Variants in PCDHGA4 observed in about 807,000 individuals in gnomAD.
PCDHGA4 encodes protocadherin gamma-A4.
PCDHGA4 carries 38 observed loss-of-function variants against 54.6 expected under a neutral mutation model. The ratio of observed to expected loss-of-function variants is 0.70; its 90% confidence interval spans 0.54 to 0.91. The LOEUF is 0.91. Ranked by LOEUF, PCDHGA4 falls within the 40% of genes least tolerant of loss-of-function variation. The probability of loss-of-function intolerance (pLI) is 0.00; values close to 1 mark genes in which losing one functional copy is unlikely to be tolerated. For missense variants in PCDHGA4, 1,298 were observed against 1,220.9 expected, an observed-to-expected ratio of 1.06 and a Z score of -0.94; for synonymous variants, 511 against 512.9, an observed-to-expected ratio of 1.00 and a Z score of 0.05.
chr5:141,421,383 C>A lies in PCDHGA4; in HGVS notation c.2514+63762C>A, dbSNP rs754951142. The A allele has an allele frequency of 2.5e-6, 4 of 1,614,034 alleles. 1 individual carries two copies. The highest frequency in any genetic ancestry group is 8.5e-7 in the Non-Finnish European group (1 of 1,179,910). On this transcript the variant is annotated intron_variant, in intron 1 of 3. Transcript: ENST00000571252. ...CCTTCGTGGGCAATATCTCCAAGGA[C>A]CTGGGGCTGGAGCCCCGGGAGCTGG...
intron 1 of PCDHGA4, among the ~76,000 whole-genome samples, chr5:141,463,087 C>T (rs971667191): frequency 6.6e-6 from 1 of 152,120 alleles, no homozygotes; most frequent in Non-Finnish European, 1.5e-5. Context: ...CATTTTCCAG[C>T]CCTATGTGAC....
chr5:141,358,683 C>T (rs1760990100), intron 1 of PCDHGA4, among the ~76,000 whole-genome samples: 1 of 152,122 alleles, frequency 6.6e-6, no homozygotes, highest in Non-Finnish European at 1.5e-5. Context: ...AATTGCTTAT[C>T]ATGACATCAC....
At chr5:141,422,127 A>G (rs779974245) in intron 1 of PCDHGA4, 1 of 1,600,944 alleles carries the variant, frequency 6.2e-7, no homozygotes. Context: ...CACAAACTGG[A>G]GAAGTTCAAG....
At chr5:141,384,679 G>A (rs773664166) in intron 1 of PCDHGA4, 33 of 1,614,216 alleles carry the variant, frequency 2.0e-5, no homozygotes, top group Non-Finnish European at 2.7e-5. Flanking sequence ...GGTGGTGGCG[G>A]TGGACAAAGA....
rs887814386 is a variant in PCDHGA4, at chr5:141,431,347, G to A, written c.2515-63460G>A. The A allele has an allele frequency of 1.9e-6, 3 of 1,614,098 alleles. No individual in the cohort carries two copies. The highest frequency in any genetic ancestry group is 2.5e-6 in the Non-Finnish European group (3 of 1,180,036). On this transcript the variant is annotated intron_variant, in intron 1 of 3. Coordinates refer to ENST00000571252, the MANE Select transcript of PCDHGA4 (RefSeq NM_018917.4). This position sits in a 1 kb window ranked among gnomAD's most constrained non-coding sequence, Gnocchi z 4.8. ...GTAGTAAGTACCCCGAATTGGTGCT[G>A]AAACGCGCCCTGGACCGCGAAGAAA...
intron 1 of PCDHGA4, chr5:141,377,472 TG>T (rs1191503778): frequency 6.6e-6 from 1 of 152,084 alleles, no homozygotes; most frequent in Non-Finnish European, 1.5e-5. Flanking sequence ...GGCGTACACC[TG>T]TAGTCCCAGC....
At chr5:141,378,078 T>A (rs1215089288) in intron 1 of PCDHGA4, 2 of 152,178 alleles carry the variant, frequency 1.3e-5, no homozygotes, top group African/African-American at 4.8e-5. Context: ...GAAAATAATT[T>A]TATAACTTTT....
intron 1 of PCDHGA4, chr5:141,378,627 TG>T (rs1588860853): frequency 6.6e-6 from 1 of 152,240 alleles, no homozygotes; most frequent in Admixed American, 6.5e-5. Context: ...GATGACTGAC[TG>T]GTGAATGGGA....
At chr5:141,425,111 A>C (rs2096857405) in intron 1 of PCDHGA4, among the ~76,000 whole-genome samples, 1 of 152,144 alleles carries the variant, frequency 6.6e-6, no homozygotes, top group Non-Finnish European at 1.5e-5. Flanking sequence ...AGATGCCTAC[A>C]TTTTTCTTGA....
chr5:141,371,309 A>T (rs1046676611), intron 1 of PCDHGA4: 4 of 1,613,894 alleles, frequency 2.5e-6, no homozygotes, highest in African/African-American at 1.3e-5. Flanking sequence ...CCACTATTGG[A>T]GAACTGGACT....
chr5:141,473,367 T>C (rs1343477225), intron 1 of PCDHGA4, among the ~76,000 whole-genome samples: 1 of 152,178 alleles, frequency 6.6e-6, no homozygotes, highest in Non-Finnish European at 1.5e-5. Flanking sequence ...GCCACCAAAA[T>C]AGCATGGTCC....
chr5:141,392,704 G>A, intron 1 of PCDHGA4: 1 of 1,281,856 alleles, frequency 7.8e-7, no homozygotes, highest in East Asian at 2.6e-5. Flanking sequence ...CCTGTTTGGA[G>A]GCACTCCAGG....
In PCDHGA4 at chr5:141,432,613, G is replaced by A. The variant is rs1461837957; in HGVS notation, c.2515-62194G>A. 6.2e-7 allele frequency: 1 copy of A among 1,613,946 alleles called. No homozygotes were observed. The highest frequency in any genetic ancestry group is 1.3e-5 in the African/African-American group (1 of 75,056). On this transcript the variant is annotated intron_variant, in intron 1 of 3. Coordinates refer to ENST00000571252, the MANE Select transcript of PCDHGA4 (RefSeq NM_018917.4). The surrounding 1 kb of genome is among the most constrained non-coding windows in gnomAD (Gnocchi z 6.0). ...AGGCCAGCGAGCCGGGACTCTTCTC[G>A]GTGGGTCTGCACACGGGCGAGGTGC...
rs1363891858 is a variant in PCDHGA4, at chr5:141,491,369, C to T, written c.2515-3438C>T. 8.7e-6 allele frequency: 14 copies of T among 1,614,110 alleles called. No homozygotes were observed. Among genetic ancestry groups the T allele is most frequent in the East Asian group, 2.2e-5 (1 of 44,866 alleles). On this transcript the variant is annotated intron_variant, in intron 1 of 3. Coordinates refer to ENST00000571252, the MANE Select transcript of PCDHGA4 (RefSeq NM_018917.4). The surrounding 1 kb of genome is among the most constrained non-coding windows in gnomAD (Gnocchi z 6.9). ...AGTCTCTTATCCCTAGTCACCTTCACCTTTCTGTCAGCGAAGTGCCTTCAG... is the reference window on the plus strand; with the variant it reads ...AGTCTCTTATCCCTAGTCACCTTCATCTTTCTGTCAGCGAAGTGCCTTCAG...
In PCDHGA4 at chr5:141,357,452, A is replaced by T. The variant is rs191856685; in HGVS notation, c.2345A>T (p.Gln782Leu). The change falls in exon 1 of 4, where the codon CAG becomes CTG. Residue 782 changes from glutamine to leucine, a missense_variant. Coordinates refer to ENST00000571252, the MANE Select transcript of PCDHGA4 (RefSeq NM_018917.4). ...VGVDGVRAFLQTYSHEVSLTA... is the reference protein window; with the variant it reads ...VGVDGVRAFLLTYSHEVSLTA... ...GTGGACGGGGTTCGGGCTTTCCTGCAGACCTATTCCCACGAGGTCTCCCTC... is the reference window on the plus strand; with the variant it reads ...GTGGACGGGGTTCGGGCTTTCCTGCTGACCTATTCCCACGAGGTCTCCCTC... 2.9e-4 allele frequency: 471 copies of T among 1,614,228 alleles called. No individual in the cohort carries two copies. The highest frequency in any genetic ancestry group is 3.7e-4 in the Non-Finnish European group (441 of 1,180,050).
intron 1 of PCDHGA4, among the ~76,000 whole-genome samples, chr5:141,444,199 T>C (rs2098425653): frequency 7.4e-6 from 1 of 134,516 alleles, no homozygotes; most frequent in African/African-American, 2.9e-5. Context: ...GAGATGGAGT[T>C]TCACTCTTGT....
chr5:141,365,827 G>A (rs746773273), intron 1 of PCDHGA4: 1 of 1,613,872 alleles, frequency 6.2e-7, no homozygotes, highest in Admixed American at 1.7e-5. Context: ...TTCAGGGGGC[G>A]CCCTTGTCCT....
rs1264017483 is a variant in PCDHGA4 at position 141,477,989 on chromosome 5, A to G, written c.2515-16818A>G. The G allele has an allele frequency of 5.6e-6, 9 of 1,614,086 alleles. No individual in the cohort carries two copies. The highest frequency in any genetic ancestry group is 1.6e-4 in the Middle Eastern group (1 of 6,062). On this transcript the variant is annotated intron_variant, in intron 1 of 3. Coordinates refer to ENST00000571252, the MANE Select transcript of PCDHGA4 (RefSeq NM_018917.4). The surrounding 1 kb of genome is among the most constrained non-coding windows in gnomAD (Gnocchi z 4.9). ...GAGCCTTTTTGCCATAGGGCTGCACACTGGTCAAATCAGTACTGCCCGTCC... is the reference window on the plus strand; with the variant it reads ...GAGCCTTTTTGCCATAGGGCTGCACGCTGGTCAAATCAGTACTGCCCGTCC...
Position 141,361,293 on chromosome 5 carries a change from GT to G in PCDHGA4, c.2514+3674del, listed in dbSNP as rs748961752. 9.3e-6 allele frequency: 15 copies of G among 1,614,018 alleles called. No homozygotes were observed. The Admixed American group carries it at 2.3e-4, about 25-fold the overall frequency. On this transcript the variant is annotated intron_variant, in intron 1 of 3. Coordinates refer to ENST00000571252, the MANE Select transcript of PCDHGA4 (RefSeq NM_018917.4). The stretch of plus-strand genomic sequence containing the variant: ...AAAATGGAGAAGTTTACTGCCAAGT[GT>G]TGGGAAATGCCAAGTTTATTTTGAA...
Sources: allele counts gnomAD v4.1 joint callset (sites outside exome capture counted in the v4.1 genomes callset), GRCh38; gene constraint gnomAD v4.1.1; non-coding constraint Gnocchi (gnomAD v3.1); transcripts MANE v1.5; gene names NCBI Gene and HGNC (gene_info 2026-07-23, HGNC 2026-07-21).